Variants in TRPM6 observed in about 807,000 individuals in gnomAD.
TRPM6 encodes the protein transient receptor potential cation channel subfamily M member 6.
TRPM6 carries 111 observed loss-of-function variants against 247.6 expected under a neutral mutation model. The observed-to-expected ratio is 0.45, with a 90% CI of 0.38 to 0.52. The LOEUF is 0.52. TRPM6 is among the 20% of genes least tolerant of loss of function. TRPM6 has a pLI of 0.00. For synonymous variants in TRPM6, 892 were observed against 853.8 expected, an observed-to-expected ratio of 1.04 and a Z score of -0.78; for missense variants, 2,126 against 2,421.5, an observed-to-expected ratio of 0.88 and a Z score of 2.56.
chr9:74,730,509 CT>C (rs1303035031), intron 37 of TRPM6, among the ~76,000 whole-genome samples: 4 of 152,146 alleles, frequency 2.6e-5, no homozygotes, highest in African/African-American at 9.7e-5. Flanking sequence ...AAAATGCTTC[CT>C]TTCATTGTTG....
chr9:74,873,902 C>T (rs1831106887), intron 1 of TRPM6, among the ~76,000 whole-genome samples: 1 of 151,504 alleles, frequency 6.6e-6, no homozygotes, highest in Non-Finnish European at 1.5e-5. Context: ...TAACTGATTC[C>T]CCTAAAATTT....
intron 3 of TRPM6, among the ~76,000 whole-genome samples, chr9:74,849,351 C>CAAAAAA (rs11333236): frequency 1.4e-5 from 1 of 69,422 alleles, no homozygotes. Context: ...AACTTCATCT[C>CAAAAAA]AAAAAAAAAA....
intron 14 of TRPM6, chr9:74,804,861 A>G: frequency 4.8e-6 from 2 of 414,070 alleles, no homozygotes; most frequent in Non-Finnish European, 8.6e-6. Context: ...AGTCCGAAGC[A>G]CAAAAAATCC....
intron 1 of TRPM6, among the ~76,000 whole-genome samples, chr9:74,868,735 G>A (rs940505100): frequency 6.6e-5 from 10 of 152,292 alleles, no homozygotes; most frequent in South Asian, 4.1e-4. Context: ...AAAAGGTGGC[G>A]AGGGTGTCCA....
intron 36 of TRPM6, chr9:74,737,370 A>T (rs1313448595): frequency 7.8e-7 from 1 of 1,288,464 alleles, no homozygotes; most frequent in East Asian, 5.6e-5. Flanking sequence ...ATTGCTCATG[A>T]TGCCCCAGGA....
rs563091359 is a variant in TRPM6, at chr9:74,810,811, T to G, written c.1497+4A>C. ...ACATGTTCACGCCTTCTTAATTAGG[T>G]TACCTGTTTCACATCTTGGACGAGA... On this transcript the variant is annotated splice_donor_region_variant and intron_variant, in intron 13 of 38. Coordinates refer to ENST00000360774, the MANE Select transcript of TRPM6 (RefSeq NM_017662.5). 1 of 1,613,378 alleles carries G rather than the reference T, an allele frequency of 6.2e-7. No homozygotes were observed. Among genetic ancestry groups the G allele is most frequent in the East Asian group, 2.2e-5 (1 of 44,832 alleles).
Position 74,790,006 on chromosome 9 carries a change from A to ATGTGTGTGTGTGTG in TRPM6, c.2539-1278_2539-1265dup, listed in dbSNP as rs71912381. On this transcript the variant is annotated intron_variant, in intron 19 of 38. Coordinates refer to ENST00000360774, the MANE Select transcript of TRPM6 (RefSeq NM_017662.5). ...AAAAAGAAAATCAGTTGAGAGAAAA[A>ATGTGTGTGTGTGTG]TGTGTGTGTGTGTGTGTGTGTGTGT... is the stretch of plus-strand genomic sequence containing the variant. Among the ~76,000 whole-genome samples the ATGTGTGTGTGTGTG allele has an allele frequency of 2.0e-3, 265 of 132,818 alleles. 1 individual carries two copies. Among genetic ancestry groups the ATGTGTGTGTGTGTG allele is most frequent in the African/African-American group, 6.7e-3 (240 of 35,812 alleles). 87.1% of individuals were successfully genotyped at this position (132,818 alleles called of 152,430 possible).
chr9:74,751,682 C>T (rs1263846951), intron 29 of TRPM6, among the ~76,000 whole-genome samples: 1 of 152,128 alleles, frequency 6.6e-6, no homozygotes, highest in Non-Finnish European at 1.5e-5. Flanking sequence ...ACTGCAAAAC[C>T]GGAGAATCTC....
Position 74,799,040 on chromosome 9 carries a change from C to G in TRPM6, c.2238+1214G>C, listed in dbSNP as rs187258335. On this transcript the variant is annotated intron_variant, in intron 17 of 38. Coordinates refer to ENST00000360774, the MANE Select transcript of TRPM6 (RefSeq NM_017662.5). ...TGAACTTATGTAGCTAGAGGTGAACCCATTCACATCTCTGATTCCTCAGTT... is the reference window on the plus strand; with the variant it reads ...TGAACTTATGTAGCTAGAGGTGAACGCATTCACATCTCTGATTCCTCAGTT... 6.6e-5 allele frequency among the ~76,000 whole-genome samples: 10 copies of G among 152,256 alleles called. No individual in the cohort carries two copies. In the East Asian group the frequency reaches 1.9e-3, roughly 29 times the overall value.
intron 24 of TRPM6, among the ~76,000 whole-genome samples, chr9:74,774,403 A>C (rs924577076): frequency 6.6e-6 from 1 of 152,206 alleles, no homozygotes; most frequent in African/African-American, 2.4e-5. Flanking sequence ...GTATAATTAT[A>C]AGCCTTCAAG....
At chr9:74,728,556 C>T (rs569411258) in intron 37 of TRPM6, among the ~76,000 whole-genome samples, 1 of 152,334 alleles carries the variant, frequency 6.6e-6, no homozygotes, top group East Asian at 1.9e-4. Context: ...CCAAGACCTA[C>T]TGTGAAACGC....
rs777699636 is a variant in TRPM6, at chr9:74,816,653, T to A, written c.1308+16A>T. On this transcript the variant is annotated intron_variant, in intron 11 of 38. Transcript: ENST00000360774. ...ACACAAAATATTTTTTCCGAATAACTTCATTTTCACTATACCTTCCAGTGT... is the reference window on the plus strand; with the variant it reads ...ACACAAAATATTTTTTCCGAATAACATCATTTTCACTATACCTTCCAGTGT... The A allele has an allele frequency of 1.2e-6, 2 of 1,605,714 alleles. No homozygotes were observed. Among genetic ancestry groups the A allele is most frequent in the South Asian group, 1.1e-5 (1 of 90,932 alleles).
In TRPM6 at chr9:74,887,477, T is replaced by TCA. The variant is rs10674666; in HGVS notation, c.33+345_33+346dup. 0.76 allele frequency: 792,833 copies of TCA among 1,041,918 alleles called. 306,154 individuals carry two copies. Among genetic ancestry groups the TCA allele is most frequent in the Non-Finnish European group, 0.78 (567,088 of 725,098 alleles). The allele number at this position is 1,041,918 out of a possible 1,614,324, so 64.5% of individuals were successfully genotyped here. A position where few individuals can be genotyped will look rare whatever the true frequency, so the allele number is the denominator to read the frequency against. On this transcript the variant is annotated intron_variant, in intron 1 of 38. Transcript: ENST00000360774. ...CCTCTCCCTCCGGCCCGGAGCGGAATCAGAGCTGCCTCCTCTCCCGGGGTG... is the reference window on the plus strand; with the variant it reads ...CCTCTCCCTCCGGCCCGGAGCGGAATCACAGAGCTGCCTCCTCTCCCGGGGTG...
intron 15 of TRPM6, among the ~76,000 whole-genome samples, chr9:74,803,583 A>C (rs1341563744): frequency 6.6e-6 from 1 of 152,180 alleles, no homozygotes; most frequent in Non-Finnish European, 1.5e-5. Flanking sequence ...AGCAAGGAAG[A>C]GAGGCTAAAG....
intron 1 of TRPM6, among the ~76,000 whole-genome samples, chr9:74,867,935 G>A (rs1462320090): frequency 4.0e-5 from 6 of 151,444 alleles, no homozygotes; most frequent in African/African-American, 7.3e-5. Flanking sequence ...ACAGGGTCAC[G>A]TGAGGTCAGG....
At chr9:74,825,800 G>A (rs1829311151) in intron 7 of TRPM6, among the ~76,000 whole-genome samples, 2 of 152,060 alleles carry the variant, frequency 1.3e-5, no homozygotes, top group Non-Finnish European at 2.9e-5. Flanking sequence ...GGTCAACAGA[G>A]GCAACAGGAC....
intron 23 of TRPM6, among the ~76,000 whole-genome samples, chr9:74,777,792 A>G (rs915899740): frequency 1.3e-5 from 2 of 152,188 alleles, no homozygotes; most frequent in Admixed American, 6.5e-5. Flanking sequence ...ACATCCCAGT[A>G]TATCTCCAAA....
At chr9:74,829,378 A>G (rs1352438205) in intron 6 of TRPM6, among the ~76,000 whole-genome samples, 1 of 152,226 alleles carries the variant, frequency 6.6e-6, no homozygotes, top group East Asian at 1.9e-4. Flanking sequence ...TCTTTATTAC[A>G]TTAATGGACA....
chr9:74,815,371 A>G (rs1828890027), intron 11 of TRPM6, among the ~76,000 whole-genome samples: 1 of 152,310 alleles, frequency 6.6e-6, no homozygotes, highest in East Asian at 1.9e-4. Flanking sequence ...TTTCTGTAGG[A>G]AAAAATAGTT....
Sources: gnomAD v4.1 joint callset for allele counts (sites outside exome capture counted in the v4.1 genomes callset) on GRCh38, gnomAD v4.1.1 for gene constraint, MANE v1.5 for transcripts, NCBI Gene and HGNC (gene_info 2026-07-23, HGNC 2026-07-21) for gene names.